Variants in SIK3 observed in about 807,000 individuals in gnomAD.
SIK3 encodes SIK family kinase 3.
A neutral mutation model predicts 144.2 loss-of-function variants in SIK3; 28 were observed. The ratio of observed to expected loss-of-function variants is 0.19; its 90% CI spans 0.14 to 0.27. The LOEUF (loss-of-function observed/expected upper bound fraction) is 0.27. SIK3 is among the 10% of genes least tolerant of loss of function. The pLI, the probability that SIK3 is intolerant of heterozygous loss-of-function variation, is 1.00. For missense variants in SIK3, 1,319 were observed against 1,776.0 expected (o/e 0.74, Z 4.62); for synonymous variants, 686 against 676.3 (o/e 1.01, Z -0.22).
chr11:116,913,841 G>C (rs1256475739), intron 4 of SIK3, among the ~76,000 whole-genome samples: 3 of 152,068 alleles, frequency 2.0e-5, no homozygotes, highest in Non-Finnish European at 4.4e-5. Context: ...AGTGGGCAGA[G>C]ATCGGGCCAC....
In SIK3 at chr11:117,007,232, T is replaced by C. The variant is rs1432233937; in HGVS notation, c.274-50168A>G. Among the ~76,000 whole-genome samples, 3 of 151,880 alleles carry C rather than the reference T, an allele frequency of 2.0e-5. No homozygotes were observed. In the East Asian group the frequency reaches 5.8e-4, roughly 29 times the overall value. On this transcript the variant is annotated intron_variant, in intron 1 of 24. Coordinates refer to ENST00000445177, the MANE Select transcript of SIK3 (RefSeq NM_001366686.3). ...GTCTCTACTAAAAATATAAAAATTA[T>C]CCGGGCTGGGTGGTGAGCACCTGTA...
At chr11:117,082,536 C>G (rs1954833837) in intron 1 of SIK3, among the ~76,000 whole-genome samples, 1 of 152,032 alleles carries the variant, frequency 6.6e-6, no homozygotes, top group Non-Finnish European at 1.5e-5. Context: ...AACAGGACAC[C>G]CACTGCATAA....
At chr11:116,924,036 C>T (rs990937892) in intron 4 of SIK3, among the ~76,000 whole-genome samples, 1 of 152,116 alleles carries the variant, frequency 6.6e-6, no homozygotes, top group South Asian at 2.1e-4. Flanking sequence ...AATCCCAGCA[C>T]TTTGGGAGGC....
rs1941776649 is a variant in SIK3 at position 116,844,612 on chromosome 11, A to ATATATAATATATATATAATATATTATAT, written c.*1003_*1030dup. The ATATATAATATATATATAATATATTATAT allele has an allele frequency of 7.3e-5, 3 of 41,224 alleles. No homozygotes were observed. Among genetic ancestry groups the ATATATAATATATATATAATATATTATAT allele is most frequent in the African/African-American group, 3.4e-4 (2 of 5,842 alleles). The allele number at this position is 41,224 out of a possible 1,614,324, so 2.6% of individuals were successfully genotyped here. ...TATATATATTTTATATATATATTATATATATAATATATATATAATATATTA... is the reference window on the plus strand; with the variant it reads ...TATATATATTTTATATATATATTATATATATAATATATATATAATATATTATATTATATAATATATATATAATATATTA... On this transcript the variant is annotated 3_prime_UTR_variant, in exon 25 of 25. Transcript: ENST00000445177.
intron 1 of SIK3, among the ~76,000 whole-genome samples, chr11:116,957,912 GCCC>G (rs1019393909): frequency 3.3e-5 from 5 of 152,046 alleles, no homozygotes; most frequent in African/African-American, 1.2e-4. Flanking sequence ...TTTCCAATGT[GCCC>G]CCTTTTAATA....
intron 3 of SIK3, among the ~76,000 whole-genome samples, chr11:116,951,029 A>G (rs1032112599): frequency 2.0e-5 from 3 of 152,202 alleles, no homozygotes; most frequent in Non-Finnish European, 4.4e-5. Context: ...TCTCTCTCAC[A>G]TGAAGGCGTA....
At chr11:116,930,667 T>C (rs1312597810) in intron 3 of SIK3, among the ~76,000 whole-genome samples, 1 of 152,130 alleles carries the variant, frequency 6.6e-6, no homozygotes, top group Non-Finnish European at 1.5e-5. Flanking sequence ...TTCCAGGCAA[T>C]TCAGTGAACT....
At position 116,949,709 on chromosome 11, in the gene SIK3, C is replaced by T. The variant is rs566167923; in HGVS notation, c.454+4335G>A. The stretch of plus-strand genomic sequence containing the variant: ...GGTTCTCCCCCTGCGAACTAGCAAA[C>T]CTACCATTTGGCCTGTTTCATGAAT... On this transcript the variant is annotated intron_variant, in intron 3 of 24. Coordinates refer to ENST00000445177, the MANE Select transcript of SIK3 (RefSeq NM_001366686.3). 3.9e-5 allele frequency among the ~76,000 whole-genome samples: 6 copies of T among 152,298 alleles called. 1 individual carries two copies. The highest frequency in any genetic ancestry group is 1.4e-4 in the African/African-American group (6 of 41,564).
chr11:117,007,698 AT>A (rs1591524442), intron 1 of SIK3, among the ~76,000 whole-genome samples: 1 of 152,084 alleles, frequency 6.6e-6, no homozygotes, highest in Admixed American at 6.5e-5. Flanking sequence ...GATTTAGATA[AT>A]TTTTTTCTAG....
rs1488914825 is a variant in SIK3, at chr11:116,873,886, C to T, written c.1581+17G>A. 1 of 1,601,138 alleles carries T rather than the reference C, an allele frequency of 6.2e-7. No individual in the cohort carries two copies. Among genetic ancestry groups the T allele is most frequent in the East Asian group, 2.2e-5 (1 of 44,654 alleles). ...GTTTGTTTCTTCTGGAGCCAGCCCT[C>T]TTCCATGTCTAGGTACCTTGTACTC... On this transcript the variant is annotated intron_variant, in intron 12 of 24. Transcript: ENST00000445177.
chr11:117,000,794 C>T lies in SIK3; in HGVS notation c.274-43730G>A, dbSNP rs548380649. Among the ~76,000 whole-genome samples, 42 of 152,300 alleles carry T rather than the reference C, an allele frequency of 2.8e-4. 1 individual carries two copies. Among genetic ancestry groups the T allele is most frequent in the Middle Eastern group, 3.4e-3 (1 of 294 alleles). On this transcript the variant is annotated intron_variant, in intron 1 of 24. Transcript: ENST00000445177. Reference sequence around the variant, plus strand: ...TTAATGTGCTTCCTGATGCCAGCATCGCTGGAAGGGAATAACTAGCCCAAT... The same window carrying T: ...TTAATGTGCTTCCTGATGCCAGCATTGCTGGAAGGGAATAACTAGCCCAAT...
At chr11:116,870,057 G>T in intron 14 of SIK3, 1 of 1,353,448 alleles carries the variant, frequency 7.4e-7, no homozygotes, top group Non-Finnish European at 9.9e-7. Context: ...CAATATGAAG[G>T]CAGGGGACAA....
Position 116,849,032 on chromosome 11 carries a change from CAA to C in SIK3, c.3819+86_3819+87del. 4 of 1,416,224 alleles carry C rather than the reference CAA, an allele frequency of 2.8e-6. No individual in the cohort carries two copies. The highest frequency in any genetic ancestry group is 3.8e-6 in the Non-Finnish European group (4 of 1,060,642). The allele number at this position is 1,416,224 out of a possible 1,614,324, so 87.7% of individuals were successfully genotyped here. ...CTGAATGCTGACTGAGGAGAGCGGC[CAA>C]GAGAGGCTACCCCACATCACTATAC... On this transcript the variant is annotated intron_variant, in intron 22 of 24. Transcript: ENST00000445177. The surrounding 1 kb of genome is among the most constrained non-coding windows in gnomAD (Gnocchi z 4.2).
intron 1 of SIK3, among the ~76,000 whole-genome samples, chr11:116,998,891 T>A (rs1369292482): frequency 1.3e-5 from 2 of 152,118 alleles, no homozygotes; most frequent in Non-Finnish European, 2.9e-5. Context: ...TTAGTCAAAA[T>A]CCCAAACTAA....
chr11:116,943,301 T>G lies in SIK3; in HGVS notation c.454+10743A>C, dbSNP rs113212782. ...TTCACAGGGGGAATAACATTTGAGA[T>G]GGGTCACAAAAGTTAAGGAGGGACA... On this transcript the variant is annotated intron_variant, in intron 3 of 24. Coordinates refer to ENST00000445177, the MANE Select transcript of SIK3 (RefSeq NM_001366686.3). Among the ~76,000 whole-genome samples, 52 of 152,226 alleles carry G rather than the reference T, an allele frequency of 3.4e-4. 1 individual carries two copies. Among genetic ancestry groups the G allele is most frequent in the African/African-American group, 1.3e-3 (52 of 41,532 alleles).
chr11:116,873,724 G>T, intron 12 of SIK3, 88 bp from the exon 13 acceptor site: 1 of 1,489,442 alleles, frequency 6.7e-7, no homozygotes, highest in South Asian at 1.4e-5. Context: ...GGAAATTAAG[G>T]GAGCCATGGG....
At chr11:117,074,455 A>AC (rs1230518687) in intron 1 of SIK3, among the ~76,000 whole-genome samples, 1 of 152,212 alleles carries the variant, frequency 6.6e-6, no homozygotes, top group African/African-American at 2.4e-5. Flanking sequence ...TGAAGTGATA[A>AC]AATGTTGTAC....
intron 1 of SIK3, among the ~76,000 whole-genome samples, chr11:117,007,394 C>CA (rs1263830930): frequency 4.6e-5 from 7 of 151,920 alleles, no homozygotes; most frequent in Admixed American, 2.6e-4. Flanking sequence ...AACAAACAAA[C>CA]AAAAAAGGAT....
Position 116,875,361 on chromosome 11 carries a change from G to A in SIK3, c.1317+13C>T. 2 of 1,614,138 alleles carry A rather than the reference G, an allele frequency of 1.2e-6. No homozygotes were observed. The highest frequency in any genetic ancestry group is 1.7e-6 in the Non-Finnish European group (2 of 1,179,980). On this transcript the variant is annotated intron_variant, in intron 10 of 24. Coordinates refer to ENST00000445177, the MANE Select transcript of SIK3 (RefSeq NM_001366686.3). Reference sequence around the variant, plus strand: ...GTGGTTTCAGCTGACAGCTCCCACAGGTTGCTACTTGCCTCCACAATTTGG... The same window carrying A: ...GTGGTTTCAGCTGACAGCTCCCACAAGTTGCTACTTGCCTCCACAATTTGG...
Sources: allele counts gnomAD v4.1 joint callset (sites outside exome capture counted in the v4.1 genomes callset), GRCh38; gene constraint gnomAD v4.1.1; non-coding constraint Gnocchi (gnomAD v3.1); transcripts MANE v1.5; gene names NCBI Gene and HGNC (gene_info 2026-07-23, HGNC 2026-07-21).